Variants in ARMC2 observed in about 807,000 individuals in gnomAD.
ARMC2 encodes the protein armadillo repeat-containing protein 2.
A neutral mutation model predicts 90.3 loss-of-function variants in ARMC2; 67 were observed. That is an observed-to-expected ratio of 0.74 (90% CI 0.61 to 0.91). ARMC2 has a LOEUF of 0.91. Among genes scored for constraint, ARMC2 ranks in the 40% least tolerant of loss-of-function variants. ARMC2 has a pLI of 0.00. For missense variants in ARMC2, 920 were observed against 1,030.9 expected, an observed-to-expected ratio of 0.89 and a Z score of 1.47; for synonymous variants, 393 against 393.0, an observed-to-expected ratio of 1.00 and a Z score of 0.00.
intron 12 of ARMC2, among the ~76,000 whole-genome samples, chr6:108,946,528 A>G (rs1405465971): frequency 6.6e-6 from 1 of 152,204 alleles, no homozygotes; most frequent in Non-Finnish European, 1.5e-5. Context: ...TCTTCAAGCC[A>G]CCTGCAAGCT....
At chr6:108,884,868 A>G (rs1475308698) in intron 5 of ARMC2, among the ~76,000 whole-genome samples, 1 of 152,196 alleles carries the variant, frequency 6.6e-6, no homozygotes, top group East Asian at 1.9e-4. Context: ...TAAGGTGTGA[A>G]GGGAGCACGG....
At chr6:108,950,051 C>A (rs1777071431) in intron 12 of ARMC2, among the ~76,000 whole-genome samples, 1 of 152,028 alleles carries the variant, frequency 6.6e-6, no homozygotes, top group Admixed American at 6.6e-5. Context: ...ACTAAAAGTA[C>A]AAAAATTAGC....
At chr6:108,974,742 G>C (rs1033076384), downstream of ARMC2, among the ~76,000 whole-genome samples, 1 of 152,028 alleles carries the variant, frequency 6.6e-6, no homozygotes, top group African/African-American at 2.4e-5. Context: ...CATGGGATGA[G>C]AGCAGGCATC....
the ARMC2 span, among the ~76,000 whole-genome samples, chr6:108,997,289 G>A: frequency 6.6e-6 from 1 of 152,104 alleles, no homozygotes; most frequent in South Asian, 2.1e-4. Flanking sequence ...CTTTAGCCTT[G>A]TACTAAATTA....
At chr6:108,853,134 T>C (rs1774171929) in intron 1 of ARMC2, among the ~76,000 whole-genome samples, 1 of 152,192 alleles carries the variant, frequency 6.6e-6, no homozygotes. Context: ...AGTAATTTTT[T>C]TACTGTTTTA....
At chr6:108,990,608 G>GA in the ARMC2 span, 12 of 1,601,224 alleles carry the variant, frequency 7.5e-6, no homozygotes, top group Non-Finnish European at 1.0e-5. Flanking sequence ...TGGCCCAGAG[G>GA]AAAACATCTC....
intron 3 of ARMC2, among the ~76,000 whole-genome samples, chr6:108,859,691 C>A (rs1775012814): frequency 6.6e-6 from 1 of 152,088 alleles, no homozygotes; most frequent in Admixed American, 6.5e-5. Context: ...TTTGCTCTTT[C>A]TAGAATTTAT....
At chr6:109,026,053 T>TA in the ARMC2 span, among the ~76,000 whole-genome samples, 1 of 151,894 alleles carries the variant, frequency 6.6e-6, no homozygotes, top group African/African-American at 2.4e-5. Flanking sequence ...AAAGAGATCT[T>TA]AAAGTCCATG....
chr6:108,971,938 AGT>A (rs1435488234), intron 17 of ARMC2, among the ~76,000 whole-genome samples: 1 of 150,558 alleles, frequency 6.6e-6, no homozygotes, highest in Non-Finnish European at 1.5e-5. Flanking sequence ...AAAAAAAAAA[AGT>A]GTTGGCAATT....
chr6:109,002,278 C>T, the ARMC2 span: 2 of 1,612,922 alleles, frequency 1.2e-6, no homozygotes, highest in Non-Finnish European at 1.7e-6. Context: ...AACAACGTAC[C>T]TCCTTTTCTG....
chr6:108,948,574 T>A (rs1776966245), intron 12 of ARMC2, among the ~76,000 whole-genome samples: 1 of 150,578 alleles, frequency 6.6e-6, no homozygotes, highest in East Asian at 1.9e-4. Context: ...CATGCCATGC[T>A]TCAGTTGGCA....
the ARMC2 span, among the ~76,000 whole-genome samples, chr6:108,985,236 G>C: frequency 3.3e-5 from 5 of 152,062 alleles, no homozygotes; most frequent in African/African-American, 1.2e-4. Flanking sequence ...CTCATTCTTA[G>C]AGATGATAAA....
chr6:108,988,776 G>T, the ARMC2 span: 2 of 1,041,178 alleles, frequency 1.9e-6, no homozygotes, highest in South Asian at 2.1e-5. Context: ...AGTTAATACT[G>T]TATTTTTTCT....
intron 11 of ARMC2, among the ~76,000 whole-genome samples, chr6:108,930,837 C>A (rs1409739303): frequency 2.0e-5 from 3 of 151,762 alleles, no homozygotes; most frequent in Admixed American, 6.6e-5. Context: ...CCTCGTGATC[C>A]CCCTGCCTTG....
chr6:108,890,428 AAGATG>A (rs1229801228), intron 5 of ARMC2, among the ~76,000 whole-genome samples: 6 of 152,018 alleles, frequency 3.9e-5, no homozygotes, highest in Non-Finnish European at 8.8e-5. Context: ...CATTCAATTT[AAGATG>A]AGGAAACCAG....
chr6:108,880,392 C>T (rs1777407097), intron 5 of ARMC2: 1 of 162,060 alleles, frequency 6.2e-6, no homozygotes, highest in Non-Finnish European at 1.4e-5. Flanking sequence ...CAAGCCAGGC[C>T]AGTTGCATTC....
intron 12 of ARMC2, among the ~76,000 whole-genome samples, chr6:108,949,442 G>A (rs1047439530): frequency 6.6e-6 from 1 of 152,222 alleles, no homozygotes; most frequent in Non-Finnish European, 1.5e-5. Flanking sequence ...TGCTGTTACT[G>A]TGCTGTTATT....
At chr6:108,986,299 T>TC in the ARMC2 span, 5 of 152,508 alleles carry the variant, frequency 3.3e-5, no homozygotes, top group Non-Finnish European at 4.4e-5. Context: ...AGTCCACTCC[T>TC]CTTTGTATGT....
chr6:109,014,348 A>C, the ARMC2 span, among the ~76,000 whole-genome samples: 1 of 152,214 alleles, frequency 6.6e-6, no homozygotes, highest in Non-Finnish European at 1.5e-5. Context: ...AAGCAGATGT[A>C]ATTATTTTTA....
Sources: gnomAD v4.1 joint callset for allele counts (sites outside exome capture counted in the v4.1 genomes callset) on GRCh38, gnomAD v4.1.1 for gene constraint, MANE v1.5 for transcripts, NCBI Gene and HGNC (gene_info 2026-07-23, HGNC 2026-07-21) for gene names.